The following PXDNL variants were observed in gnomAD, a reference collection of about 807,000 sequenced individuals.
The protein encoded by PXDNL is peroxidasin like, also known as probable oxidoreductase PXDNL.
A neutral mutation model predicts 150.8 loss-of-function variants in PXDNL; 145 were observed. That is an observed-to-expected ratio of 0.96 (90% CI 0.84 to 1.10). The LOEUF (loss-of-function observed/expected upper bound fraction) is 1.10, where lower values mean the gene tolerates loss of function less well. PXDNL is among the 50% of genes least tolerant of loss of function. The pLI is 0.00. For synonymous variants in PXDNL, 757 were observed against 725.7 expected (o/e 1.04, Z -0.69); for missense variants, 2,087 against 1,873.9 (o/e 1.11, Z -2.10).
At chr8:51,565,435 T>G (rs1055909581) in intron 3 of PXDNL, among the ~76,000 whole-genome samples, 7 of 151,890 alleles carry the variant, frequency 4.6e-5, no homozygotes, top group Non-Finnish European at 8.8e-5. Context: ...TCATTGCTGT[T>G]GTTCAACAGC....
chr8:51,633,465 A>T (rs1814534517), intron 2 of PXDNL, among the ~76,000 whole-genome samples: 2 of 152,188 alleles, frequency 1.3e-5, no homozygotes, highest in Admixed American at 1.3e-4. Context: ...AGAAATCTCC[A>T]ACCTGCTTTC....
At chr8:51,600,924 TTA>T (rs563939359) in intron 2 of PXDNL, among the ~76,000 whole-genome samples, 16 of 137,460 alleles carry the variant, frequency 1.2e-4, no homozygotes, top group Non-Finnish European at 1.2e-4. Context: ...CTTATATAAA[TTA>T]TATAATTTAT....
intron 2 of PXDNL, among the ~76,000 whole-genome samples, chr8:51,650,818 C>G (rs544130221): frequency 1.3e-5 from 2 of 152,334 alleles, no homozygotes; most frequent in Admixed American, 6.5e-5. Flanking sequence ...TAACTCTTAT[C>G]AGTGGTTTTG....
intron 17 of PXDNL, among the ~76,000 whole-genome samples, chr8:51,407,698 G>A (rs1368284129): frequency 1.3e-5 from 2 of 152,164 alleles, no homozygotes; most frequent in African/African-American, 4.8e-5. Flanking sequence ...GAAGGCCTAT[G>A]TGATCGGCCA....
At chr8:51,555,157 G>A (rs1003429607) in intron 4 of PXDNL, among the ~76,000 whole-genome samples, 2 of 152,080 alleles carry the variant, frequency 1.3e-5, no homozygotes, top group African/African-American at 4.8e-5. Flanking sequence ...TTGAAGGGCC[G>A]GCATCCTTTA....
At chr8:51,402,260 T>C (rs1266587926) in intron 17 of PXDNL, among the ~76,000 whole-genome samples, 1 of 152,218 alleles carries the variant, frequency 6.6e-6, no homozygotes, top group East Asian at 1.9e-4. Context: ...CTGGGCACGA[T>C]GGCTCACATC....
intron 1 of PXDNL, among the ~76,000 whole-genome samples, chr8:51,706,968 C>A (rs1427430338): frequency 6.6e-6 from 1 of 152,020 alleles, no homozygotes. Flanking sequence ...GCTTGGATTC[C>A]AATGAGTTCT....
In PXDNL at chr8:51,599,782, AATG is replaced by A. The variant is rs561714402; in HGVS notation, c.237-7087_237-7085del. Among the ~76,000 whole-genome samples the A allele has an allele frequency of 1.5e-3, 222 of 143,418 alleles. 9 individuals are homozygous for A. Among genetic ancestry groups the A allele is most frequent in the African/African-American group, 5.5e-3 (210 of 38,138 alleles). 94.1% of individuals were successfully genotyped at this position (143,418 alleles called of 152,430 possible). On this transcript the variant is annotated intron_variant, in intron 2 of 22. Transcript: ENST00000356297. ...TATATAATAAATTATATCTTATATA[AATG>A]ATATCGTTTAGATAATAAATTATAC...
intron 17 of PXDNL, among the ~76,000 whole-genome samples, chr8:51,386,984 CCA>C (rs1457137271): frequency 1.3e-5 from 2 of 152,046 alleles, no homozygotes; most frequent in Admixed American, 1.3e-4. Context: ...GACTTTTTTT[CCA>C]GTCTTATGAA....
At chr8:51,362,991 G>C (rs1806802204) in intron 19 of PXDNL, among the ~76,000 whole-genome samples, 1 of 152,216 alleles carries the variant, frequency 6.6e-6, no homozygotes, top group Non-Finnish European at 1.5e-5. Flanking sequence ...TCTGGATTCA[G>C]TGATCTGGAC....
intron 5 of PXDNL, among the ~76,000 whole-genome samples, chr8:51,493,652 G>A (rs554309497): frequency 1.1e-4 from 16 of 152,310 alleles, no homozygotes; most frequent in African/African-American, 3.4e-4. Context: ...CTCAGTAGCC[G>A]ATTTGATCAT....
intron 21 of PXDNL, among the ~76,000 whole-genome samples, chr8:51,331,077 G>A (rs1317458053): frequency 2.0e-5 from 3 of 152,104 alleles, no homozygotes; most frequent in Non-Finnish European, 2.9e-5. Context: ...CAGCAATCCC[G>A]AGAGGATCCA....
At chr8:51,656,401 T>C (rs1301587114) in intron 1 of PXDNL, among the ~76,000 whole-genome samples, 1 of 152,214 alleles carries the variant, frequency 6.6e-6, no homozygotes, top group East Asian at 1.9e-4. Context: ...CTGTTTGGTA[T>C]GTCTAGACTA....
intron 4 of PXDNL, among the ~76,000 whole-genome samples, chr8:51,512,067 G>A (rs918431422): frequency 6.6e-6 from 1 of 152,076 alleles, no homozygotes; most frequent in Non-Finnish European, 1.5e-5. Context: ...AGATCAGACC[G>A]CTCCCTCTGA....
At chr8:51,617,607 A>G (rs1021721749) in intron 2 of PXDNL, among the ~76,000 whole-genome samples, 4 of 152,244 alleles carry the variant, frequency 2.6e-5, no homozygotes, top group Non-Finnish European at 5.9e-5. Context: ...CTGCATGGAA[A>G]TCTACTAAAC....
At chr8:51,544,672 C>T (rs1170821605) in intron 4 of PXDNL, among the ~76,000 whole-genome samples, 1 of 152,058 alleles carries the variant, frequency 6.6e-6, no homozygotes, top group Non-Finnish European at 1.5e-5. Flanking sequence ...CCCTTCCTCA[C>T]CCCCCACAAC....
At chr8:51,737,709 G>A (rs1486845563) in intron 1 of PXDNL, among the ~76,000 whole-genome samples, 1 of 152,196 alleles carries the variant, frequency 6.6e-6, no homozygotes, top group South Asian at 2.1e-4. Context: ...ATGTCTGAAA[G>A]ATGTTCACAT....
chr8:51,597,043 A>G lies in PXDNL; in HGVS notation c.237-4345T>C, dbSNP rs372865928. 4.6e-5 allele frequency among the ~76,000 whole-genome samples: 7 copies of G among 152,352 alleles called. No homozygotes were observed. The East Asian group carries it at 1.2e-3, about 25-fold the overall frequency. On this transcript the variant is annotated intron_variant, in intron 2 of 22. Coordinates refer to ENST00000356297, the MANE Select transcript of PXDNL (RefSeq NM_144651.5). ...TAGAATTCTTAGAGTCTGACGTCTTAGATTCAAATATTTAATCCATCTTGA... is the reference window on the plus strand; with the variant it reads ...TAGAATTCTTAGAGTCTGACGTCTTGGATTCAAATATTTAATCCATCTTGA...
intron 5 of PXDNL, among the ~76,000 whole-genome samples, chr8:51,487,088 C>T (rs1036380766): frequency 2.0e-5 from 3 of 151,690 alleles, no homozygotes; most frequent in Non-Finnish European, 2.9e-5. Flanking sequence ...CCACCGCACC[C>T]GGCCGAAAAG....
Sources: gnomAD v4.1 joint callset for allele counts (sites outside exome capture counted in the v4.1 genomes callset) on GRCh38, gnomAD v4.1.1 for gene constraint, MANE v1.5 for transcripts, NCBI Gene and HGNC (gene_info 2026-07-23, HGNC 2026-07-21) for gene names.